Variants in STRA6 observed in about 807,000 individuals in gnomAD.
The protein encoded by STRA6 is receptor for retinol uptake STRA6.
STRA6 carries 48 observed loss-of-function variants against 83.6 expected under a neutral mutation model. That is an observed-to-expected ratio of 0.57 (90% CI 0.46 to 0.73). STRA6 has a LOEUF of 0.73. STRA6 is among the 30% of genes least tolerant of loss of function. STRA6 has a pLI of 0.00. For missense variants in STRA6, 760 were observed against 838.8 expected (o/e 0.91, Z 1.16); for synonymous variants, 353 against 362.3 (o/e 0.97, Z 0.29).
chr15:74,180,003 G>C lies in STRA6; in HGVS notation c.*77C>G. ...CATGGCTGGTGTGATGCTGGGAGGA[G>C]AGCCGGGGAGGGAGGAGGATGGTAG... is the stretch of plus-strand genomic sequence containing the variant. On this transcript the variant is annotated 3_prime_UTR_variant, in exon 19 of 19. Transcript: ENST00000395105. The C allele has an allele frequency of 1.9e-6, 3 of 1,566,346 alleles. No individual in the cohort carries two copies. Among genetic ancestry groups the C allele is most frequent in the South Asian group, 2.3e-5 (2 of 87,414 alleles).
chr15:74,190,576 C>T (rs980464969), intron 11 of STRA6, among the ~76,000 whole-genome samples: 1 of 152,158 alleles, frequency 6.6e-6, no homozygotes, highest in African/African-American at 2.4e-5. Context: ...TTGCCCAAGG[C>T]CACACAGGAG....
chr15:74,209,440 T>C (rs2074334714), upstream of STRA6: 2 of 1,535,540 alleles, frequency 1.3e-6, no homozygotes, highest in Admixed American at 2.0e-5. Flanking sequence ...CGGCTCTTAA[T>C]AACCGGATCT....
At chr15:74,209,430 C>A, upstream of STRA6, 5 of 1,535,570 alleles carry the variant, frequency 3.3e-6, no homozygotes, top group South Asian at 2.4e-5. Context: ...ACCACCAGCT[C>A]GGCTCTTAAT....
At chr15:74,202,340 A>G in intron 1 of STRA6, 58 bp from the exon 2 acceptor site, 3 of 1,573,496 alleles carry the variant, frequency 1.9e-6, no homozygotes, top group Non-Finnish European at 1.7e-6. Flanking sequence ...GAGGCTTAAA[A>G]GAGAAAAAAA....
chr15:74,191,204 G>T lies in STRA6; in HGVS notation c.828C>A (p.Arg276=). The T allele has an allele frequency of 6.2e-7, 1 of 1,613,434 alleles. No individual in the cohort carries two copies. Among genetic ancestry groups the T allele is most frequent in the South Asian group, 1.1e-5 (1 of 91,040 alleles). The change falls in exon 10 of 19, where the codon CGC becomes CGA. Residue 276 remains arginine, a synonymous_variant. Transcript: ENST00000395105. ...TSKHGFLSWA[R]VCLRHCIYTP... ...TGTAGATGCAGTGTCTCAAGCAGAC[G>T]CGGGCCCAGGACAGGAAGCCATGCT...
chr15:74,180,630 G>T, intron 18 of STRA6, 152 bp downstream of exon 18: 1 of 1,070,248 alleles, frequency 9.3e-7, no homozygotes, highest in Non-Finnish European at 1.3e-6. Flanking sequence ...ATCACCCTGA[G>T]ATCAGACCAG....
chr15:74,208,308 G>A (rs185368104), intron 1 of STRA6, among the ~76,000 whole-genome samples: 9 of 152,184 alleles, frequency 5.9e-5, no homozygotes, highest in Non-Finnish European at 1.3e-4. Context: ...GCCTTCGGAG[G>A]ACTAGACACA....
chr15:74,183,509 G>A, intron 14 of STRA6: 1 of 1,172,568 alleles, frequency 8.5e-7, no homozygotes, highest in Non-Finnish European at 1.1e-6. Context: ...CTCCCAAAGT[G>A]CTGGGATTAC....
chr15:74,183,900 C>A lies in STRA6; in HGVS notation c.1256G>T (p.Cys419Phe). 1 of 1,614,138 alleles carries A rather than the reference C, an allele frequency of 6.2e-7. No individual in the cohort carries two copies. Among genetic ancestry groups the A allele is most frequent in the South Asian group, 1.1e-5 (1 of 91,088 alleles). ...CTGGTAGGCACTGAAGCTCATCCAA[C>A]AGAATATGGCTTGGCGGGAGGGATG... ...SPHPSRQAIF[C>F]WMSFSAYQTA... is the part of the protein sequence containing the mutation. Residue 419 changes from cysteine (C) to phenylalanine (F), a missense_variant, in exon 14 of 19, where the codon TGT (cysteine) becomes TTT (phenylalanine). Cys to Phe is a radical substitution (Grantham distance 205, BLOSUM62 -2). Coordinates refer to ENST00000395105, the MANE Select transcript of STRA6 (RefSeq NM_022369.4).
intron 1 of STRA6, chr15:74,208,119 G>T: frequency 9.3e-7 from 1 of 1,070,886 alleles, no homozygotes; most frequent in Non-Finnish European, 1.2e-6. Context: ...GAGGGTAGCC[G>T]GCTGTGCCAG....
At chr15:74,209,298 G>T, upstream of STRA6, 1 of 1,407,194 alleles carries the variant, frequency 7.1e-7, no homozygotes, top group Non-Finnish European at 9.7e-7. Context: ...CCTGCACAGG[G>T]CTTTGATGGC....
rs1015875197 is a variant in STRA6 at position 74,180,106 on chromosome 15, A to G, written c.1978T>C (p.Leu660=). ...CAGGGCTGGGCACCATTGGCACCCA[A>G]CAGGGCCGTCTTGCGGAAGACCTGC... ...TLQVFRKTAL[L]GANGAQP is the part of the protein sequence containing the mutation. Residue 660 remains leucine (L), a synonymous_variant, in exon 19 of 19, where the codon TTG becomes CTG. Transcript: ENST00000395105. The G allele has an allele frequency of 6.2e-7, 1 of 1,613,474 alleles. No homozygotes were observed. The highest frequency in any genetic ancestry group is 1.3e-5 in the African/African-American group (1 of 74,922).
At chr15:74,194,110 T>C (rs370940343) in intron 7 of STRA6, among the ~76,000 whole-genome samples, 188 bp from the exon 8 acceptor site, 1 of 152,016 alleles carries the variant, frequency 6.6e-6, no homozygotes, top group East Asian at 1.9e-4. Flanking sequence ...TCTCGAGCCC[T>C]GCAGAGATGC....
chr15:74,199,151 C>T (rs943461904), intron 2 of STRA6, among the ~76,000 whole-genome samples: 2 of 152,212 alleles, frequency 1.3e-5, no homozygotes, highest in South Asian at 4.1e-4. Context: ...AGGGCTTAGC[C>T]GCCCACCAAA....
At chr15:74,182,511 T>G in intron 14 of STRA6, 51 bp from the exon 15 acceptor site, 7 of 1,498,180 alleles carry the variant, frequency 4.7e-6, no homozygotes, top group Non-Finnish European at 6.4e-6. Context: ...CCATGAAAAC[T>G]GGCCATCCCC....
At chr15:74,208,072 C>T in intron 1 of STRA6, 1 of 1,249,582 alleles carries the variant, frequency 8.0e-7, no homozygotes. Context: ...TTAGACCAGG[C>T]TGTTCTGGTA....
intron 2 of STRA6, among the ~76,000 whole-genome samples, chr15:74,201,489 C>G (rs1335378365): frequency 6.6e-6 from 1 of 152,120 alleles, no homozygotes; most frequent in South Asian, 2.1e-4. Context: ...GACTAAACCC[C>G]GGTAGAATGG....
upstream of STRA6, chr15:74,207,552 C>T: frequency 2.7e-6 from 2 of 749,228 alleles, no homozygotes; most frequent in South Asian, 3.5e-5. Flanking sequence ...CTCCACCCTC[C>T]CATCTCAGCC....
At position 74,202,242 on chromosome 15, in the gene STRA6, T is replaced by C. The variant is rs1349676346; in HGVS notation, c.26A>G (p.Gln9Arg). 2 of 1,539,982 alleles carry C rather than the reference T, an allele frequency of 1.3e-6. No individual in the cohort carries two copies. The highest frequency in any genetic ancestry group is 2.6e-5 in the South Asian group (2 of 75,902). ...GTCCTCTGTGGCCCCGGGGGAGGTC[T>C]GGTTCCCTGCTGGCTGGGACGACAT... is the stretch of plus-strand genomic sequence containing the variant. MSSQPAGN[Q>R]TSPGATEDYS... is the part of the protein sequence containing the mutation. Residue 9 changes from glutamine (Q) to arginine (R), a missense_variant, in exon 2 of 19, where the codon CAG becomes CGG. Physicochemically the swap from Gln to Arg is conservative, Grantham distance 43. Coordinates refer to ENST00000395105, the MANE Select transcript of STRA6 (RefSeq NM_022369.4).
Sources: allele counts gnomAD v4.1 joint callset (sites outside exome capture counted in the v4.1 genomes callset), GRCh38; gene constraint gnomAD v4.1.1; transcripts MANE v1.5; gene names NCBI Gene and HGNC (gene_info 2026-07-23, HGNC 2026-07-21).